The following PPP4R3A variants were observed in gnomAD, a reference collection of about 807,000 sequenced individuals.
PPP4R3A encodes the protein serine/threonine-protein phosphatase 4 regulatory subunit 3A.
A neutral mutation model predicts 91.7 loss-of-function variants in PPP4R3A; 15 were observed. The ratio of observed to expected loss-of-function variants is 0.16; its 90% CI spans 0.11 to 0.25. The LOEUF (loss-of-function observed/expected upper bound fraction) is 0.25, where lower values mean the gene tolerates loss of function less well. PPP4R3A is among the 10% of genes least tolerant of loss of function. PPP4R3A has a pLI of 1.00. For synonymous variants in PPP4R3A, 377 were observed against 348.7 expected (o/e 1.08, Z -0.91); for missense variants, 623 against 998.4 (o/e 0.62, Z 5.07).
At chr14:91,472,235 ATCT>A (rs1262041450) in intron 9 of PPP4R3A, among the ~76,000 whole-genome samples, 1 of 152,142 alleles carries the variant, frequency 6.6e-6, no homozygotes, top group Admixed American at 6.6e-5. Flanking sequence ...ACCTTAACAT[ATCT>A]TCAATATAAA....
intron 1 of PPP4R3A, among the ~76,000 whole-genome samples, chr14:91,498,422 T>C (rs1890720350): frequency 6.6e-6 from 1 of 152,230 alleles, no homozygotes; most frequent in South Asian, 2.1e-4. Flanking sequence ...ACATGCTAAG[T>C]TAGAACATTA....
chr14:91,491,147 T>C (rs1342223085), intron 1 of PPP4R3A, among the ~76,000 whole-genome samples: 2 of 152,020 alleles, frequency 1.3e-5, no homozygotes, highest in Non-Finnish European at 2.9e-5. Flanking sequence ...CCTCAGGTGA[T>C]CCACCAGCCT....
chr14:91,503,883 G>C (rs1473735897), intron 1 of PPP4R3A, among the ~76,000 whole-genome samples: 1 of 152,108 alleles, frequency 6.6e-6, no homozygotes, highest in East Asian at 1.9e-4. Context: ...ATGGAAGATG[G>C]AACTTTGCAG....
At chr14:91,498,862 C>T (rs950883705) in intron 1 of PPP4R3A, among the ~76,000 whole-genome samples, 5 of 142,020 alleles carry the variant, frequency 3.5e-5, no homozygotes, top group Non-Finnish European at 3.0e-5. Context: ...TGCAGTGAGC[C>T]GAGATGGCAC....
chr14:91,481,026 C>T (rs561283438), intron 4 of PPP4R3A, among the ~76,000 whole-genome samples: 49 of 151,544 alleles, frequency 3.2e-4, no homozygotes, highest in African/African-American at 9.9e-4. Flanking sequence ...CAGAGCAAGA[C>T]CTCAACTTAA....
chr14:91,479,293 CGTGTGT>C (rs3029507), intron 4 of PPP4R3A, among the ~76,000 whole-genome samples: 2,673 of 144,156 alleles, frequency 0.019, 54 homozygotes, highest in African/African-American at 0.049. Flanking sequence ...TAAAAAACAA[CGTGTGT>C]GTGTGTGTGT....
chr14:91,489,988 T>A (rs142170076), intron 2 of PPP4R3A, among the ~76,000 whole-genome samples: 1 of 152,094 alleles, frequency 6.6e-6, no homozygotes, highest in Non-Finnish European at 1.5e-5. Flanking sequence ...AGATCAATGA[T>A]GAAGCAAAGC....
At chr14:91,483,703 A>AT (rs1188908430) in intron 3 of PPP4R3A, among the ~76,000 whole-genome samples, 1 of 152,212 alleles carries the variant, frequency 6.6e-6, no homozygotes, top group African/African-American at 2.4e-5. Flanking sequence ...CTAGAAAATG[A>AT]TTGAGAAGTT....
intron 1 of PPP4R3A, among the ~76,000 whole-genome samples, chr14:91,493,114 C>A (rs1243390379): frequency 6.6e-6 from 1 of 151,932 alleles, no homozygotes; most frequent in South Asian, 2.1e-4. Context: ...GTAGGCTGGG[C>A]GTGGTGGCTC....
chr14:91,502,537 T>C (rs535162161), intron 1 of PPP4R3A, among the ~76,000 whole-genome samples: 2 of 152,338 alleles, frequency 1.3e-5, no homozygotes, highest in African/African-American at 4.8e-5. Flanking sequence ...CTGACTGATC[T>C]GTTCATTTCT....
chr14:91,468,667 C>CAAAAAAAAAAAAAAAAAAAAAA lies in PPP4R3A; in HGVS notation c.1660+2148_1660+2169dup, dbSNP rs766250846. ...AAGGCGACAGAGTGAGACTCCGTCT[C>CAAAAAAAAAAAAAAAAAAAAAA]AAAAAAAAAAAAAAAAAAAAAAGGA... On this transcript the variant is annotated intron_variant, in intron 10 of 14. Transcript: ENST00000554943. 3.8e-4 allele frequency among the ~76,000 whole-genome samples: 17 copies of CAAAAAAAAAAAAAAAAAAAAAA among 45,032 alleles called. 1 individual carries two copies. The East Asian group carries it at 5.2e-3, about 14-fold the overall frequency. 29.5% of individuals were successfully genotyped at this position (45,032 alleles called of 152,430 possible). A position where few individuals can be genotyped will look rare whatever the true frequency, so the allele number is the denominator to read the frequency against.
chr14:91,480,458 A>G (rs1019361432), intron 4 of PPP4R3A, among the ~76,000 whole-genome samples: 2 of 152,168 alleles, frequency 1.3e-5, no homozygotes, highest in African/African-American at 4.8e-5. Flanking sequence ...GTAGGGATAC[A>G]TGCAGTTATA....
Position 91,462,057 on chromosome 14 carries a change from CT to C in PPP4R3A, c.2155del (p.Arg719GlyfsTer4). The C allele has an allele frequency of 6.6e-7, 1 of 1,511,396 alleles. No homozygotes were observed. Among genetic ancestry groups the C allele is most frequent in the Non-Finnish European group, 8.8e-7 (1 of 1,130,616 alleles). The allele number at this position is 1,511,396 out of a possible 1,614,324, so 93.6% of individuals were successfully genotyped here. A position where few individuals can be genotyped will look rare whatever the true frequency, so the allele number is the denominator to read the frequency against. On this transcript the variant is annotated frameshift_variant, in exon 13 of 15. Coordinates refer to ENST00000554943, the MANE Select transcript of PPP4R3A (RefSeq NM_001366432.2). LOFTEE classifies it high-confidence loss of function. Reference protein sequence around the residue: ...IMDPISKFMERKKLKESEEKE... With the variant: ...IMDPISKFMEXKKLKESEEKE... ...ATTTTTTTCCAACATACATTTCTTC[CT>C]TTCCATGAATTTACTTATTGGATCC... is the stretch of plus-strand genomic sequence containing the variant.
chr14:91,509,905 C>T lies in PPP4R3A; in HGVS notation c.-258G>A. On this transcript the variant is annotated 5_prime_UTR_variant, in exon 1 of 15. Coordinates refer to ENST00000554943, the MANE Select transcript of PPP4R3A (RefSeq NM_001366432.2). Reference sequence around the variant, plus strand: ...TGGCGAGCCCGGCGCCCGGCAGCCCCGAGGGGGCCGCGCAGCGCTTCGTAG... The same window carrying T: ...TGGCGAGCCCGGCGCCCGGCAGCCCTGAGGGGGCCGCGCAGCGCTTCGTAG... 9.4e-7 allele frequency: 1 copy of T among 1,065,420 alleles called. No homozygotes were observed. Among genetic ancestry groups the T allele is most frequent in the Non-Finnish European group, 1.1e-6 (1 of 883,190 alleles). 66.0% of individuals were successfully genotyped at this position (1,065,420 alleles called of 1,614,324 possible).
At chr14:91,508,095 G>A (rs1487132225) in intron 1 of PPP4R3A, among the ~76,000 whole-genome samples, 4 of 152,174 alleles carry the variant, frequency 2.6e-5, no homozygotes, top group East Asian at 1.9e-4. Context: ...AGGTTATTAT[G>A]TGAGTCACAT....
intron 4 of PPP4R3A, 62 bp from the exon 5 acceptor site, chr14:91,477,048 A>G: frequency 4.5e-6 from 6 of 1,332,916 alleles, no homozygotes; most frequent in Middle Eastern, 2.0e-4. Context: ...ATATAATTTC[A>G]GGAATGCTTT....
intron 7 of PPP4R3A, among the ~76,000 whole-genome samples, chr14:91,474,222 G>C (rs957428729): frequency 2.6e-5 from 4 of 152,326 alleles, no homozygotes. Context: ...GGTATTTAGA[G>C]AGTGCAGAGA....
At position 91,509,716 on chromosome 14, in the gene PPP4R3A, A is replaced by C; in HGVS notation, c.-69T>G. On this transcript the variant is annotated 5_prime_UTR_variant, in exon 1 of 15. Transcript: ENST00000554943. ...CCAGGAAAGGGGCCCTGGAGAGGCG[A>C]GGGGCGAGGCGTGAGGGCGCCCGCG... is the stretch of plus-strand genomic sequence containing the variant. 1 of 1,502,026 alleles carries C rather than the reference A, an allele frequency of 6.7e-7. No individual in the cohort carries two copies. The highest frequency in any genetic ancestry group is 8.8e-7 in the Non-Finnish European group (1 of 1,133,286). 93.0% of individuals were successfully genotyped at this position (1,502,026 alleles called of 1,614,324 possible). A position where few individuals can be genotyped will look rare whatever the true frequency, so the allele number is the denominator to read the frequency against.
chr14:91,510,378 G>A (rs1431162087), upstream of PPP4R3A: 1 of 152,594 alleles, frequency 6.6e-6, no homozygotes, highest in Non-Finnish European at 1.5e-5. Context: ...ACAGCAGCGA[G>A]ACCGGGAGCC....
Sources: gnomAD v4.1 joint callset for allele counts (sites outside exome capture counted in the v4.1 genomes callset) on GRCh38, gnomAD v4.1.1 for gene constraint, MANE v1.5 for transcripts, NCBI Gene and HGNC (gene_info 2026-07-23, HGNC 2026-07-21) for gene names.